KCNIP4: variants seen among roughly 807,000 people sequenced by gnomAD.
KCNIP4 encodes the protein Kv channel-interacting protein 4.
In KCNIP4, 12 loss-of-function variants were observed where a neutral mutation model predicts 34.0. The ratio of observed to expected loss-of-function variants is 0.35; its 90% confidence interval spans 0.23 to 0.57. KCNIP4 has a LOEUF of 0.57. KCNIP4 is among the 20% of genes least tolerant of loss of function. The pLI is 0.83. For missense variants in KCNIP4, 238 were observed against 311.7 expected, an observed-to-expected ratio of 0.76 and a Z score of 1.78; for synonymous variants, 124 against 102.2, an observed-to-expected ratio of 1.21 and a Z score of -1.29.
At chr4:21,725,553 G>C (rs1435286017) in intron 1 of KCNIP4, among the ~76,000 whole-genome samples, 1 of 152,248 alleles carries the variant, frequency 6.6e-6, no homozygotes, top group East Asian at 1.9e-4. Flanking sequence ...TCAGCTCTGA[G>C]AGATGGAGAG....
intron 1 of KCNIP4, among the ~76,000 whole-genome samples, chr4:21,765,305 C>T (rs1560697527): frequency 6.6e-6 from 1 of 151,458 alleles, no homozygotes. Context: ...GAATCTAATC[C>T]TTTTTGTTTT....
At chr4:20,857,742 T>C (rs561165010) in intron 2 of KCNIP4, among the ~76,000 whole-genome samples, 1 of 152,266 alleles carries the variant, frequency 6.6e-6, no homozygotes, top group East Asian at 1.9e-4. Context: ...TCCTCTCTTA[T>C]TTTGTCAAAC....
intron 1 of KCNIP4, among the ~76,000 whole-genome samples, chr4:21,099,364 A>C (rs533663284): frequency 7.2e-5 from 11 of 152,322 alleles, no homozygotes; most frequent in Non-Finnish European, 1.5e-4. Context: ...ATGCAGGAAC[A>C]GAAAACCAAA....
intron 1 of KCNIP4, among the ~76,000 whole-genome samples, chr4:21,534,889 T>G (rs1458576370): frequency 6.6e-6 from 1 of 152,140 alleles, no homozygotes; most frequent in Non-Finnish European, 1.5e-5. Flanking sequence ...CTTCACATCG[T>G]AGGGCTTTGA....
chr4:20,935,790 C>T (rs1239700129), intron 1 of KCNIP4, among the ~76,000 whole-genome samples: 1 of 152,124 alleles, frequency 6.6e-6, no homozygotes, highest in Non-Finnish European at 1.5e-5. Flanking sequence ...CCTGTACCAA[C>T]CAATAATCTC....
chr4:20,735,434 G>A (rs1028302108), intron 5 of KCNIP4, among the ~76,000 whole-genome samples: 7 of 151,314 alleles, frequency 4.6e-5, no homozygotes, highest in Admixed American at 2.0e-4. Flanking sequence ...GTAAGTTTTT[G>A]TTAAGTAAAT....
chr4:21,221,024 G>T (rs1013348420), intron 1 of KCNIP4, among the ~76,000 whole-genome samples: 3 of 152,126 alleles, frequency 2.0e-5, no homozygotes, highest in African/African-American at 7.2e-5. Flanking sequence ...AGCCTCCAAG[G>T]TATTTAAATT....
At chr4:21,937,121 C>T (rs557620411) in intron 1 of KCNIP4, among the ~76,000 whole-genome samples, 4 of 152,054 alleles carry the variant, frequency 2.6e-5, no homozygotes, top group East Asian at 3.9e-4. Flanking sequence ...CAATGCTGGA[C>T]GTGTAATAAA....
intron 1 of KCNIP4, among the ~76,000 whole-genome samples, chr4:21,565,720 AG>A (rs1342486298): frequency 6.6e-6 from 1 of 152,094 alleles, no homozygotes; most frequent in African/African-American, 2.4e-5. Flanking sequence ...GTGTTGGGTG[AG>A]GAGAGGAGAA....
chr4:21,756,301 A>T (rs1163979830), intron 1 of KCNIP4, among the ~76,000 whole-genome samples: 2 of 152,176 alleles, frequency 1.3e-5, no homozygotes, highest in Non-Finnish European at 2.9e-5. Context: ...TACGCCTGTA[A>T]TCCCACCACT....
intron 1 of KCNIP4, among the ~76,000 whole-genome samples, chr4:20,896,848 G>C (rs963766813): frequency 6.6e-6 from 1 of 152,052 alleles, no homozygotes; most frequent in Non-Finnish European, 1.5e-5. Flanking sequence ...ATCCCCTACT[G>C]TATATAGAAC....
At chr4:21,487,159 C>T (rs1051975336) in intron 1 of KCNIP4, among the ~76,000 whole-genome samples, 1 of 152,012 alleles carries the variant, frequency 6.6e-6, no homozygotes, top group African/African-American at 2.4e-5. Context: ...TTCCAGGATC[C>T]CATCCAAGAT....
chr4:20,817,631 T>A (rs564112085), intron 3 of KCNIP4, among the ~76,000 whole-genome samples: 61 of 152,234 alleles, frequency 4.0e-4, no homozygotes, highest in Admixed American at 1.4e-3. Flanking sequence ...TGGCTCATTT[T>A]ACCTTTTTTT....
chr4:21,489,891 C>T (rs1006033160), intron 1 of KCNIP4, among the ~76,000 whole-genome samples: 1 of 151,936 alleles, frequency 6.6e-6, no homozygotes, highest in Non-Finnish European at 1.5e-5. Flanking sequence ...ATATGATATC[C>T]CAAAGTTCTT....
At chr4:21,915,327 A>T (rs763824587) in intron 1 of KCNIP4, among the ~76,000 whole-genome samples, 2 of 152,250 alleles carry the variant, frequency 1.3e-5, no homozygotes, top group African/African-American at 4.8e-5. Context: ...ATTGAAGCAT[A>T]TAAAGAAGAG....
In KCNIP4 at chr4:21,712,692, G is replaced by A. The variant is rs971120263; in HGVS notation, c.61+235879C>T. Among the ~76,000 whole-genome samples, 20 of 151,844 alleles carry A rather than the reference G, an allele frequency of 1.3e-4. No individual in the cohort carries two copies. In the South Asian group the frequency reaches 3.3e-3, roughly 25 times the overall value. On this transcript the variant is annotated intron_variant, in intron 1 of 8. Coordinates refer to ENST00000382152, the MANE Select transcript of KCNIP4 (RefSeq NM_025221.6). Reference sequence around the variant, plus strand: ...GAAACACAGACTCATTTCCATACACGTTTACTCCGGCACCTATAGCATAGA... The same window carrying A: ...GAAACACAGACTCATTTCCATACACATTTACTCCGGCACCTATAGCATAGA...
In KCNIP4 at chr4:20,976,143, A is replaced by C. The variant is rs75930647; in HGVS notation, c.62-93434T>G. The stretch of plus-strand genomic sequence containing the variant: ...ACCATGGGTTTGGCCTTTCCAACTT[A>C]TTACCTAACTCAATGGTTCTCAAAG... On this transcript the variant is annotated intron_variant, in intron 1 of 8. Transcript: ENST00000382152. 9.9e-3 allele frequency among the ~76,000 whole-genome samples: 1,505 copies of C among 152,240 alleles called. 29 individuals carry two copies. Among genetic ancestry groups the C allele is most frequent in the African/African-American group, 0.034 (1,409 of 41,528 alleles).
intron 1 of KCNIP4, among the ~76,000 whole-genome samples, chr4:21,907,470 G>A (rs1357866423): frequency 6.6e-6 from 1 of 152,002 alleles, no homozygotes; most frequent in Non-Finnish European, 1.5e-5. Context: ...TCCAGCCTCA[G>A]GTATTCTGTT....
At chr4:21,757,099 A>AAAAGAAAG (rs1240357604) in intron 1 of KCNIP4, among the ~76,000 whole-genome samples, 24 of 109,900 alleles carry the variant, frequency 2.2e-4, no homozygotes, top group South Asian at 4.2e-4. Context: ...CTGTCTCAAA[A>AAAAGAAAG]AAAGAAAGAA....
Sources: gnomAD v4.1 joint callset for allele counts (sites outside exome capture counted in the v4.1 genomes callset) on GRCh38, gnomAD v4.1.1 for gene constraint, MANE v1.5 for transcripts, NCBI Gene and HGNC (gene_info 2026-07-23, HGNC 2026-07-21) for gene names.